ADD1: variants seen among roughly 807,000 people sequenced by gnomAD.
The protein encoded by ADD1 is adducin 1.
In ADD1, 24 loss-of-function variants were observed where a neutral mutation model predicts 80.5. The ratio of observed to expected loss-of-function variants is 0.30; its 90% CI spans 0.22 to 0.42. The LOEUF is 0.42. Ranked by LOEUF, ADD1 falls within the 10% of genes least tolerant of loss-of-function variation. The pLI, the probability that ADD1 is intolerant of heterozygous loss-of-function variation, is 1.00. For missense variants in ADD1, 948 were observed against 1,019.0 expected, an observed-to-expected ratio of 0.93 and a Z score of 0.95; for synonymous variants, 373 against 393.8, an observed-to-expected ratio of 0.95 and a Z score of 0.63.
intron 12 of ADD1, 24 bp downstream of exon 12, chr4:2,908,628 C>G (rs762004067): frequency 6.3e-7 from 1 of 1,597,664 alleles, no homozygotes; most frequent in South Asian, 1.1e-5. Context: ...GTGTCTCTGA[C>G]TTTAGTGGGT....
intron 1 of ADD1, among the ~76,000 whole-genome samples, chr4:2,865,847 G>A (rs1187211254): frequency 1.3e-5 from 2 of 152,094 alleles, no homozygotes; most frequent in African/African-American, 4.8e-5. Flanking sequence ...ATTAATTGAA[G>A]GACAGTAACA....
chr4:2,860,780 T>TATGA (rs1728722621), intron 1 of ADD1, among the ~76,000 whole-genome samples: 1 of 152,250 alleles, frequency 6.6e-6, no homozygotes, highest in African/African-American at 2.4e-5. Context: ...TGCATTAACC[T>TATGA]GTTGTTAAAC....
intron 13 of ADD1, among the ~76,000 whole-genome samples, chr4:2,911,448 A>ATATATATATATATATTTTTTTTTTTTTTT (rs553567632): frequency 1.5e-5 from 2 of 130,518 alleles, no homozygotes; most frequent in African/African-American, 5.9e-5. Flanking sequence ...ATATATATAT[A>ATATATATATATATATTTTTTTTTTTTTTT]TTTTTTTTTT....
At chr4:2,863,223 T>TTTG (rs1481599833) in intron 1 of ADD1, among the ~76,000 whole-genome samples, 5 of 141,610 alleles carry the variant, frequency 3.5e-5, no homozygotes, top group African/African-American at 1.4e-4. Flanking sequence ...TTTTTAATTT[T>TTTG]TTTTTTTTTT....
Position 2,928,694 on chromosome 4 carries a change from T to G in ADD1, c.*171T>G. ...AGCCCCGGGCTGACCCAGTGTGTGC[T>G]CAGCAGCCCCACCCCACCCTGCCCC... On this transcript the variant is annotated 3_prime_UTR_variant, in exon 16 of 16. Transcript: ENST00000683351. 3 of 644,260 alleles carry G rather than the reference T, an allele frequency of 4.7e-6. No homozygotes were observed. Among genetic ancestry groups the G allele is most frequent in the Non-Finnish European group, 7.8e-6 (3 of 385,642 alleles). 39.9% of individuals were successfully genotyped at this position (644,260 alleles called of 1,614,324 possible). A position where few individuals can be genotyped will look rare whatever the true frequency, so the allele number is the denominator to read the frequency against.
rs927878684 is a variant in ADD1, at chr4:2,890,507, C to T, written c.511-3506C>T. 3.3e-5 allele frequency among the ~76,000 whole-genome samples: 5 copies of T among 152,114 alleles called. 1 individual carries two copies. Among genetic ancestry groups the T allele is most frequent in the South Asian group, 4.1e-4 (2 of 4,824 alleles). On this transcript the variant is annotated intron_variant, in intron 4 of 15. Transcript: ENST00000683351. ...CTGCAAGCTCTGCCTCCCAGGTTCA[C>T]GCCATTCTCCTGCCTCAACCTCCCG...
rs889184367 is a variant in ADD1, at chr4:2,898,413, G to A, written c.886-20G>A. On this transcript the variant is annotated intron_variant, in intron 7 of 15. Coordinates refer to ENST00000683351, the MANE Select transcript of ADD1 (RefSeq NM_001354761.2). ...CAGTCTTCCTGCCCAGCTCCACAGA[G>A]CATTCATGCTTCCCCTCAGGTTCTT... 3.1e-6 allele frequency: 5 copies of A among 1,614,000 alleles called. No homozygotes were observed. Among genetic ancestry groups the A allele is most frequent in the Non-Finnish European group, 4.2e-6 (5 of 1,179,968 alleles).
At position 2,928,614 on chromosome 4, in the gene ADD1, T is replaced by C. The variant is rs1712391028; in HGVS notation, c.*91T>C. 1.4e-6 allele frequency: 2 copies of C among 1,423,272 alleles called. No individual in the cohort carries two copies. Among genetic ancestry groups the C allele is most frequent in the South Asian group, 1.3e-5 (1 of 78,722 alleles). The allele number at this position is 1,423,272 out of a possible 1,614,324, so 88.2% of individuals were successfully genotyped here. A position where few individuals can be genotyped will look rare whatever the true frequency, so the allele number is the denominator to read the frequency against. On this transcript the variant is annotated 3_prime_UTR_variant, in exon 16 of 16. Coordinates refer to ENST00000683351, the MANE Select transcript of ADD1 (RefSeq NM_001354761.2). ...TGTGCTCTGTCCTTGTGTAATGGAA[T>C]GCAAAAAAGCCAAGCCCTCCGCCTA...
Position 2,926,516 on chromosome 4 carries a change from T to C in ADD1, c.2047+404T>C. On this transcript the variant is annotated intron_variant, in intron 15 of 15. Transcript: ENST00000683351. The surrounding 1 kb of genome is among the most constrained non-coding windows in gnomAD (Gnocchi z 5.0). Reference sequence around the variant, plus strand: ...GATCCCGGGTGTCTGTCCCTCGGTCTCGTACATCCATGTCTCTCGTGAAGC... The same window carrying C: ...GATCCCGGGTGTCTGTCCCTCGGTCCCGTACATCCATGTCTCTCGTGAAGC... The C allele has an allele frequency of 9.9e-7, 1 of 1,012,080 alleles. No homozygotes were observed. The highest frequency in any genetic ancestry group is 1.5e-6 in the Non-Finnish European group (1 of 662,858). 62.7% of individuals were successfully genotyped at this position (1,012,080 alleles called of 1,614,324 possible).
At chr4:2,847,703 T>C (rs1726461362) in intron 1 of ADD1, among the ~76,000 whole-genome samples, 1 of 152,198 alleles carries the variant, frequency 6.6e-6, no homozygotes, top group Admixed American at 6.5e-5. Context: ...CTTGGTTTTA[T>C]ACATTTTAAG....
chr4:2,906,254 C>T (rs1386836178), intron 10 of ADD1, among the ~76,000 whole-genome samples: 2 of 152,206 alleles, frequency 1.3e-5, no homozygotes, highest in African/African-American at 4.8e-5. Context: ...GGCCATGGGG[C>T]TCTGAGCATG....
At chr4:2,910,685 C>G (rs1737874298) in intron 13 of ADD1, among the ~76,000 whole-genome samples, 1 of 152,178 alleles carries the variant, frequency 6.6e-6, no homozygotes, top group Non-Finnish European at 1.5e-5. Context: ...GTTCAACCAC[C>G]AGTTACAGCT....
rs1195448606 is a variant in ADD1 at position 2,899,373 on chromosome 4, C to T, written c.1099C>T (p.Pro367Ser). Reference sequence around the variant, plus strand: ...TCCGGTAGGGGAAGGCACTGGATCGCCTCCCAAGTGGCAGATTGGTGAGCA... The same window carrying T: ...TCCGGTAGGGGAAGGCACTGGATCGTCTCCCAAGTGGCAGATTGGTGAGCA... The part of the protein sequence containing the change: ...GSPVGEGTGS[P>S]PKWQIGEQEF... The change falls in exon 9 of 16, where the codon CCT becomes TCT. Residue 367 changes from proline (P) to serine (S), a missense_variant. Transcript: ENST00000683351. 4 of 1,614,232 alleles carry T rather than the reference C, an allele frequency of 2.5e-6. 1 individual carries two copies. In the South Asian group the frequency reaches 4.4e-5, roughly 18 times the overall value.
Position 2,881,893 on chromosome 4 carries a change from A to G in ADD1, c.196-5A>G, listed in dbSNP as rs756466627. The G allele has an allele frequency of 1.6e-5, 26 of 1,591,698 alleles. No homozygotes were observed. The highest frequency in any genetic ancestry group is 1.9e-5 in the Non-Finnish European group (22 of 1,172,440). On this transcript the variant is annotated splice_region_variant and splice_polypyrimidine_tract_variant and intron_variant, in intron 2 of 15. Coordinates refer to ENST00000683351, the MANE Select transcript of ADD1 (RefSeq NM_001354761.2). The stretch of plus-strand genomic sequence containing the variant: ...GTATCTCAGTGTTTTAATATTTTTT[A>G]TTAGGCTTTCTGTGAAGAATTGGAA...
intron 6 of ADD1, among the ~76,000 whole-genome samples, chr4:2,896,606 G>C (rs1372498294): frequency 6.6e-6 from 1 of 152,002 alleles, no homozygotes; most frequent in Admixed American, 6.5e-5. Flanking sequence ...TGTCAACATC[G>C]TGGTTTTATT....
intron 1 of ADD1, among the ~76,000 whole-genome samples, chr4:2,856,291 T>G (rs1728051451): frequency 6.6e-6 from 1 of 152,152 alleles, no homozygotes; most frequent in Non-Finnish European, 1.5e-5. Flanking sequence ...GCTCTCTACT[T>G]TTGTTGTTTC....
intron 1 of ADD1, among the ~76,000 whole-genome samples, chr4:2,865,509 T>C (rs757888676): frequency 1.3e-5 from 2 of 152,256 alleles, no homozygotes; most frequent in Non-Finnish European, 2.9e-5. Flanking sequence ...TTATGAGCCC[T>C]TGCTATAATT....
At chr4:2,851,317 A>G (rs1727042163) in intron 1 of ADD1, among the ~76,000 whole-genome samples, 1 of 152,230 alleles carries the variant, frequency 6.6e-6, no homozygotes, top group South Asian at 2.1e-4. Flanking sequence ...TAATAATAAT[A>G]ACAGTCATAT....
intron 2 of ADD1, among the ~76,000 whole-genome samples, chr4:2,881,072 C>CTTTTTTTTTT (rs752868581): frequency 2.2e-5 from 2 of 89,362 alleles, no homozygotes; most frequent in African/African-American, 4.6e-5. Context: ...GATGTATTTA[C>CTTTTTTTTTT]TTTTTTTTTT....
Sources: gnomAD v4.1 joint callset for allele counts (sites outside exome capture counted in the v4.1 genomes callset) on GRCh38, gnomAD v4.1.1 for gene constraint, Gnocchi (gnomAD v3.1) non-coding constraint, MANE v1.5 for transcripts, NCBI Gene and HGNC (gene_info 2026-07-23, HGNC 2026-07-21) for gene names.